The following RANBP17 variants were observed in gnomAD, a reference collection of about 807,000 sequenced individuals.
RANBP17 encodes the protein ran-binding protein 17.
In RANBP17, 158 loss-of-function variants were observed where a neutral mutation model predicts 141.2. The ratio of observed to expected loss-of-function variants is 1.12; its 90% confidence interval spans 0.98 to 1.28. The LOEUF (loss-of-function observed/expected upper bound fraction) is 1.28, where lower values mean the gene tolerates loss of function less well. RANBP17 is among the 50% of genes most tolerant of loss of function. The probability of loss-of-function intolerance (pLI) is 0.00; values close to 1 mark genes in which losing one functional copy is unlikely to be tolerated. For missense variants in RANBP17, 1,438 were observed against 1,290.7 expected, an observed-to-expected ratio of 1.11 and a Z score of -1.75; for synonymous variants, 430 against 450.0, an observed-to-expected ratio of 0.96 and a Z score of 0.56.
intron 14 of RANBP17, among the ~76,000 whole-genome samples, chr5:171,086,337 G>T (rs1405441513): frequency 7.3e-5 from 11 of 151,502 alleles, no homozygotes; most frequent in East Asian, 3.9e-4. Flanking sequence ...GTGGATAAGC[G>T]TTTTGATGTG....
chr5:171,224,070 G>A (rs1463479498), intron 22 of RANBP17, among the ~76,000 whole-genome samples: 1 of 152,132 alleles, frequency 6.6e-6, no homozygotes, highest in African/African-American at 2.4e-5. Flanking sequence ...CGCTGTTTAT[G>A]CCTCTCCTTC....
In RANBP17 at chr5:171,242,863, T is replaced by G. The variant is rs767752004; in HGVS notation, c.2776+43T>G. On this transcript the variant is annotated intron_variant, in intron 24 of 27. Coordinates refer to ENST00000523189, the MANE Select transcript of RANBP17 (RefSeq NM_022897.5). ...CATTGTTTCCATAGGAAAAACTTGA[T>G]TATGGGCTTTTAATGTATGTGATTA... 5.7e-6 allele frequency: 9 copies of G among 1,567,508 alleles called. No homozygotes were observed. In the East Asian group the frequency reaches 2.0e-4, roughly 35 times the overall value.
intron 2 of RANBP17, among the ~76,000 whole-genome samples, chr5:170,880,725 T>C (rs1000295472): frequency 6.6e-6 from 1 of 152,262 alleles, no homozygotes; most frequent in Non-Finnish European, 1.5e-5. Flanking sequence ...TGTTTTGCTA[T>C]GTAATCAATG....
chr5:171,015,859 G>A (rs57307714), intron 14 of RANBP17, among the ~76,000 whole-genome samples: 1 of 152,028 alleles, frequency 6.6e-6, no homozygotes, highest in African/African-American at 2.4e-5. Context: ...TGTATCTGTT[G>A]ATATAGAGAT....
intron 2 of RANBP17, among the ~76,000 whole-genome samples, chr5:170,878,712 T>C (rs1427232076): frequency 1.3e-5 from 2 of 152,202 alleles, no homozygotes; most frequent in African/African-American, 2.4e-5. Flanking sequence ...AATCAGATGC[T>C]GTACTGCTTA....
chr5:170,936,336 A>G lies in RANBP17; in HGVS notation c.1468+11786A>G, dbSNP rs575120763. Among the ~76,000 whole-genome samples the G allele has an allele frequency of 1.4e-4, 22 of 152,322 alleles. No homozygotes were observed. In the South Asian group the frequency reaches 2.5e-3, roughly 17 times the overall value. On this transcript the variant is annotated intron_variant, in intron 12 of 27. Coordinates refer to ENST00000523189, the MANE Select transcript of RANBP17 (RefSeq NM_022897.5). Reference sequence around the variant, plus strand: ...AATCCGGTACCTCAGTTGGAAATGCAGAAATCACCTGTCTTCTGCGTCAGT... The same window carrying G: ...AATCCGGTACCTCAGTTGGAAATGCGGAAATCACCTGTCTTCTGCGTCAGT...
chr5:171,010,591 A>G (rs1206714211), intron 14 of RANBP17, among the ~76,000 whole-genome samples: 3 of 152,190 alleles, frequency 2.0e-5, no homozygotes, highest in Non-Finnish European at 4.4e-5. Context: ...AGAGACCAGC[A>G]GTTCACTCAG....
chr5:171,221,896 A>G, intron 22 of RANBP17, 56 bp downstream of exon 22: 1 of 1,025,456 alleles, frequency 9.8e-7, no homozygotes, highest in Non-Finnish European at 1.5e-6. Flanking sequence ...CTTTAGAGGA[A>G]AGAAAGATGT....
At chr5:170,877,199 A>G (rs1178266473) in intron 1 of RANBP17, among the ~76,000 whole-genome samples, 1 of 152,166 alleles carries the variant, frequency 6.6e-6, no homozygotes, top group Admixed American at 6.5e-5. Context: ...GATCAAGTCA[A>G]AGTTCCTGAA....
At chr5:171,235,191 C>T (rs1764461537) in intron 22 of RANBP17, among the ~76,000 whole-genome samples, 1 of 152,068 alleles carries the variant, frequency 6.6e-6, no homozygotes, top group African/African-American at 2.4e-5. Context: ...AACCAGAAGT[C>T]ACTAGTAACC....
At chr5:171,089,244 G>A (rs555809145) in intron 14 of RANBP17, among the ~76,000 whole-genome samples, 93 of 106,708 alleles carry the variant, frequency 8.7e-4, no homozygotes, top group African/African-American at 2.6e-3. Context: ...TGCCCCTGCT[G>A]GGGGGGGCCT....
At chr5:171,024,919 C>T (rs963505129) in intron 14 of RANBP17, among the ~76,000 whole-genome samples, 1 of 152,074 alleles carries the variant, frequency 6.6e-6, no homozygotes, top group African/African-American at 2.4e-5. Context: ...ATGTCTCCAA[C>T]TATCTACATG....
At chr5:171,095,268 CTTATA>C (rs1433474324) in intron 14 of RANBP17, among the ~76,000 whole-genome samples, 3 of 152,256 alleles carry the variant, frequency 2.0e-5, no homozygotes, top group East Asian at 1.9e-4. Context: ...GTAATGCCAT[CTTATA>C]TTATTTTACT....
intron 14 of RANBP17, among the ~76,000 whole-genome samples, chr5:170,998,518 G>C (rs906689819): frequency 2.6e-5 from 4 of 152,118 alleles, no homozygotes; most frequent in Non-Finnish European, 5.9e-5. Flanking sequence ...AATAATGTCA[G>C]TACTAAAAGT....
chr5:170,925,547 A>T (rs1182077696), intron 12 of RANBP17, among the ~76,000 whole-genome samples: 1 of 152,190 alleles, frequency 6.6e-6, no homozygotes, highest in Non-Finnish European at 1.5e-5. Flanking sequence ...ATATTGAGAC[A>T]TACAGAATAG....
intron 22 of RANBP17, among the ~76,000 whole-genome samples, chr5:171,228,586 T>C (rs895466396): frequency 2.0e-5 from 3 of 152,218 alleles, no homozygotes; most frequent in Non-Finnish European, 4.4e-5. Flanking sequence ...AAAGAAGTTC[T>C]CCTGTGGGTC....
intron 12 of RANBP17, among the ~76,000 whole-genome samples, chr5:170,943,206 G>A (rs1008896713): frequency 2.0e-5 from 3 of 152,118 alleles, no homozygotes; most frequent in African/African-American, 7.2e-5. Flanking sequence ...TTTTTTGCGT[G>A]TGTGAACACT....
chr5:171,183,107 G>A lies in RANBP17; in HGVS notation c.1866-60G>A, dbSNP rs546355758. 1.1e-3 allele frequency: 1,016 copies of A among 902,012 alleles called. 1 individual carries two copies. The highest frequency in any genetic ancestry group is 7.2e-3 in the Middle Eastern group (23 of 3,176). The allele number at this position is 902,012 out of a possible 1,614,324, so 55.9% of individuals were successfully genotyped here. A position where few individuals can be genotyped will look rare whatever the true frequency, so the allele number is the denominator to read the frequency against. ...TGCCACTACAGTTCACTGTTACTTT[G>A]TGATTTATTACATACTGATATTACA... On this transcript the variant is annotated intron_variant, in intron 16 of 27. Transcript: ENST00000523189.
chr5:170,900,641 G>T (rs1458328580), intron 5 of RANBP17, among the ~76,000 whole-genome samples: 2 of 152,158 alleles, frequency 1.3e-5, no homozygotes, highest in Non-Finnish European at 2.9e-5. Flanking sequence ...CTTTCTGGTT[G>T]TGGGCATTTA....
Sources: allele counts gnomAD v4.1 joint callset (sites outside exome capture counted in the v4.1 genomes callset), GRCh38; gene constraint gnomAD v4.1.1; transcripts MANE v1.5; gene names NCBI Gene and HGNC (gene_info 2026-07-23, HGNC 2026-07-21).